The following ELAPOR2 variants were observed in gnomAD, a reference collection of about 807,000 sequenced individuals.
ELAPOR2 encodes the protein endosome-lysosome associated apoptosis and autophagy regulator family member 2, also known as endosome/lysosome-associated apoptosis and autophagy regulator family member 2.
ELAPOR2 carries 89 observed loss-of-function variants against 120.7 expected under a neutral mutation model. The ratio of observed to expected loss-of-function variants is 0.74; its 90% CI spans 0.62 to 0.88. ELAPOR2 has a LOEUF of 0.88. Ranked by LOEUF, ELAPOR2 falls within the 40% of genes least tolerant of loss-of-function variation. The pLI, the probability that ELAPOR2 is intolerant of heterozygous loss-of-function variation, is 0.00. For synonymous variants in ELAPOR2, 444 were observed against 444.9 expected (o/e 1.00, Z 0.03); for missense variants, 1,134 against 1,251.6 (o/e 0.91, Z 1.42).
chr7:86,886,418 T>C (rs1305974386), intron 21 of ELAPOR2, among the ~76,000 whole-genome samples: 1 of 152,132 alleles, frequency 6.6e-6, no homozygotes, highest in Non-Finnish European at 1.5e-5. Flanking sequence ...ACAATCATAA[T>C]GACAACTTTG....
intron 2 of ELAPOR2, among the ~76,000 whole-genome samples, chr7:86,956,986 C>A (rs535782761): frequency 1.8e-4 from 28 of 152,300 alleles, no homozygotes; most frequent in Admixed American, 3.3e-4. Flanking sequence ...TAGTCTCTGA[C>A]CTTGATTCTG....
chr7:87,041,169 A>G (rs1414114260), intron 1 of ELAPOR2, among the ~76,000 whole-genome samples: 1 of 152,128 alleles, frequency 6.6e-6, no homozygotes, highest in East Asian at 1.9e-4. Flanking sequence ...GCAGAATGGA[A>G]CCAAGTTGGA....
chr7:86,905,202 G>GAA (rs1788949595), intron 18 of ELAPOR2, among the ~76,000 whole-genome samples: 2 of 149,546 alleles, frequency 1.3e-5, no homozygotes, highest in Admixed American at 6.7e-5. Context: ...GAGAGAGAGA[G>GAA]AGAAAGAGAG....
intron 1 of ELAPOR2, among the ~76,000 whole-genome samples, chr7:86,996,009 G>C (rs1793110607): frequency 6.6e-6 from 1 of 152,136 alleles, no homozygotes; most frequent in South Asian, 2.1e-4. Context: ...CTGCTTCCCA[G>C]AGCCAAAACC....
Position 86,878,922 on chromosome 7 carries a change from T to G in ELAPOR2, c.*1549A>C, listed in dbSNP as rs1183862969. On this transcript the variant is annotated 3_prime_UTR_variant, in exon 22 of 22. Transcript: ENST00000450689. The stretch of plus-strand genomic sequence containing the variant: ...ATTCAATAATAACAGAATGGTCTAG[T>G]GTATTACCAATCAGCCAAATAAACA... 6.6e-6 allele frequency: 1 copy of G among 152,168 alleles called. No homozygotes were observed. The allele number at this position is 152,168 out of a possible 1,614,324, so 9.4% of individuals were successfully genotyped here.
intron 1 of ELAPOR2, among the ~76,000 whole-genome samples, chr7:86,979,427 A>G (rs1334177767): frequency 6.6e-6 from 1 of 152,232 alleles, no homozygotes; most frequent in Non-Finnish European, 1.5e-5. Context: ...GGGTATTTAT[A>G]AAAAGAGCTC....
chr7:86,898,857 G>A (rs547110678), intron 18 of ELAPOR2, among the ~76,000 whole-genome samples: 3 of 152,252 alleles, frequency 2.0e-5, no homozygotes, highest in South Asian at 2.1e-4. Context: ...GTACTTAGGC[G>A]AGGTACTTTA....
chr7:86,990,239 G>C (rs749569632), intron 1 of ELAPOR2, among the ~76,000 whole-genome samples: 4 of 151,952 alleles, frequency 2.6e-5, no homozygotes, highest in Non-Finnish European at 5.9e-5. Flanking sequence ...TAGTAGAGAC[G>C]GGGTTTCACC....
intron 1 of ELAPOR2, among the ~76,000 whole-genome samples, chr7:86,994,957 G>A (rs761699265): frequency 1.1e-4 from 16 of 152,166 alleles, no homozygotes; most frequent in African/African-American, 3.6e-4. Flanking sequence ...AAAGAAAACC[G>A]AGCTTTTTTA....
At chr7:87,009,053 A>G (rs966193616) in intron 1 of ELAPOR2, among the ~76,000 whole-genome samples, 4 of 152,196 alleles carry the variant, frequency 2.6e-5, no homozygotes, top group African/African-American at 9.6e-5. Flanking sequence ...GATGAATTTA[A>G]AAAAATTAGA....
At chr7:86,882,937 C>T (rs1285256291) in intron 21 of ELAPOR2, among the ~76,000 whole-genome samples, 1 of 152,118 alleles carries the variant, frequency 6.6e-6, no homozygotes, top group Non-Finnish European at 1.5e-5. Context: ...CACCTTGTCA[C>T]TATCTTCCCT....
chr7:86,979,695 A>T (rs1792398063), intron 1 of ELAPOR2, among the ~76,000 whole-genome samples: 1 of 152,176 alleles, frequency 6.6e-6, no homozygotes, highest in African/African-American at 2.4e-5. Context: ...AGATACTAAT[A>T]TGGAAGGCAA....
At chr7:86,979,812 C>T (rs1182371859) in intron 1 of ELAPOR2, among the ~76,000 whole-genome samples, 1 of 152,202 alleles carries the variant, frequency 6.6e-6, no homozygotes, top group African/African-American at 2.4e-5. Flanking sequence ...ACAGAAGTAG[C>T]TCAGGAGACT....
At chr7:86,986,100 A>AG (rs1189996178) in intron 1 of ELAPOR2, among the ~76,000 whole-genome samples, 1 of 149,866 alleles carries the variant, frequency 6.7e-6, no homozygotes, top group Non-Finnish European at 1.5e-5. Context: ...GTATTCAATC[A>AG]GGAAAAGAGG....
intron 18 of ELAPOR2, among the ~76,000 whole-genome samples, chr7:86,905,273 CT>C (rs61483966): frequency 0.22 from 31,348 of 141,616 alleles, 5,540 homozygotes; most frequent in African/African-American, 0.5. Flanking sequence ...GCTATGTTGA[CT>C]TTTTTTTTTT....
At chr7:87,012,556 G>A (rs2116671281) in intron 1 of ELAPOR2, among the ~76,000 whole-genome samples, 1 of 152,114 alleles carries the variant, frequency 6.6e-6, no homozygotes, top group Admixed American at 6.5e-5. Flanking sequence ...TTTGCATTTA[G>A]GACAGGCATT....
intron 1 of ELAPOR2, among the ~76,000 whole-genome samples, chr7:86,972,024 T>A (rs921048825): frequency 6.6e-6 from 1 of 152,158 alleles, no homozygotes; most frequent in Non-Finnish European, 1.5e-5. Context: ...CAGTCATGCA[T>A]TCTGTGTTCT....
chr7:87,038,359 A>T (rs1794653055), intron 1 of ELAPOR2, among the ~76,000 whole-genome samples: 1 of 152,218 alleles, frequency 6.6e-6, no homozygotes, highest in Non-Finnish European at 1.5e-5. Flanking sequence ...ACATATCTCA[A>T]AACACACAGA....
intron 18 of ELAPOR2, among the ~76,000 whole-genome samples, chr7:86,906,310 T>A (rs1789013100): frequency 6.6e-6 from 1 of 152,166 alleles, no homozygotes; most frequent in Admixed American, 6.6e-5. Context: ...AGAGGGATCC[T>A]CTACCACAGG....
Sources: gnomAD v4.1 joint callset for allele counts (sites outside exome capture counted in the v4.1 genomes callset) on GRCh38, gnomAD v4.1.1 for gene constraint, MANE v1.5 for transcripts, NCBI Gene and HGNC (gene_info 2026-07-23, HGNC 2026-07-21) for gene names.